PURB: variants seen among roughly 807,000 people sequenced by gnomAD.
The protein encoded by PURB is purine rich element binding protein B.
Under a neutral mutation model 21.1 loss-of-function variants are expected in PURB, and 11 were observed. The observed-to-expected ratio is 0.52, with a 90% CI of 0.33 to 0.86. PURB has a LOEUF of 0.86. PURB is among the 40% of genes least tolerant of loss of function. The pLI, the probability that PURB is intolerant of heterozygous loss-of-function variation, is 0.02. For synonymous variants in PURB, 246 were observed against 210.8 expected, an observed-to-expected ratio of 1.17 and a Z score of -1.45; for missense variants, 357 against 456.5, an observed-to-expected ratio of 0.78 and a Z score of 1.99.
chr7:44,884,134 G>A lies in PURB; in HGVS notation c.*276C>T, dbSNP rs893073674. 1 of 651,918 alleles carries A rather than the reference G, an allele frequency of 1.5e-6. No individual in the cohort carries two copies. Among genetic ancestry groups the A allele is most frequent in the Non-Finnish European group, 2.4e-6 (1 of 408,400 alleles). 40.4% of individuals were successfully genotyped at this position (651,918 alleles called of 1,614,324 possible). The stretch of plus-strand genomic sequence containing the variant: ...TGATGGGTTTACGAACCTCAGTTGA[G>A]AAACAACAGAAGCTGAGACAATTTT... On this transcript the variant is annotated 3_prime_UTR_variant, in exon 1 of 1. Transcript: ENST00000395699.
rs1379640888 is a variant in PURB, at chr7:44,877,059, A to G, written c.*7351T>C. The G allele has an allele frequency of 6.6e-6, 1 of 152,612 alleles. No homozygotes were observed. Among genetic ancestry groups the G allele is most frequent in the Non-Finnish European group, 1.5e-5 (1 of 68,040 alleles). 9.5% of individuals were successfully genotyped at this position (152,612 alleles called of 1,614,324 possible). A position where few individuals can be genotyped will look rare whatever the true frequency, so the allele number is the denominator to read the frequency against. Reference sequence around the variant, plus strand: ...CTCTAATTGTACATCTAGATCAGGAAGCTGTCTCCTGCTATCAAGATTTGG... The same window carrying G: ...CTCTAATTGTACATCTAGATCAGGAGGCTGTCTCCTGCTATCAAGATTTGG... On this transcript the variant is annotated 3_prime_UTR_variant, in exon 1 of 1. Transcript: ENST00000395699.
chr7:44,876,908 A>C lies in PURB; in HGVS notation c.*7502T>G, dbSNP rs114117873. On this transcript the variant is annotated 3_prime_UTR_variant, in exon 1 of 1. Transcript: ENST00000395699. The stretch of plus-strand genomic sequence containing the variant: ...AAAGGTGCAGCTTCTCTTGAAGCAG[A>C]AATCAGTTCTACAAATTCATACACA... 152 of 152,790 alleles carry C rather than the reference A, an allele frequency of 9.9e-4. 1 individual carries two copies. Among genetic ancestry groups the C allele is most frequent in the African/African-American group, 3.5e-3 (144 of 41,594 alleles). 9.5% of individuals were successfully genotyped at this position (152,790 alleles called of 1,614,324 possible).
Position 44,882,965 on chromosome 7 carries a change from A to C in PURB, c.*1445T>G, listed in dbSNP as rs2128691958. The C allele has an allele frequency of 6.6e-6, 1 of 152,426 alleles. No individual in the cohort carries two copies. Among genetic ancestry groups the C allele is most frequent in the African/African-American group, 2.4e-5 (1 of 41,590 alleles). 9.4% of individuals were successfully genotyped at this position (152,426 alleles called of 1,614,324 possible). On this transcript the variant is annotated 3_prime_UTR_variant, in exon 1 of 1. Transcript: ENST00000395699. ...GAAAACCCCAACTTTTATTCTTGAA[A>C]GACAGCTGGATTAACTGGCAAAAGC...
rs1031005008 is a variant in PURB, at chr7:44,885,276, C to T, written c.73G>A (p.Gly25Ser). 2.6e-6 allele frequency: 4 copies of T among 1,538,184 alleles called. No homozygotes were observed. Among genetic ancestry groups the T allele is most frequent in the Non-Finnish European group, 3.5e-6 (4 of 1,152,910 alleles). ...GPCGFQPASR[G>S]GGEQETQELA... Reference sequence around the variant, plus strand: ...TCCTGCGTCTCTTGCTCGCCGCCGCCGCGGGACGCGGGCTGGAACCCGCAC... The same window carrying T: ...TCCTGCGTCTCTTGCTCGCCGCCGCTGCGGGACGCGGGCTGGAACCCGCAC... Residue 25 changes from glycine to serine, a missense_variant, in exon 1 of 1, where the codon GGC (glycine) becomes AGC (serine). Gly to Ser is a moderately conservative substitution (Grantham distance 56). Transcript: ENST00000395699.
In PURB at chr7:44,883,693, TC is replaced by T. The variant is rs1793913046; in HGVS notation, c.*716del. On this transcript the variant is annotated 3_prime_UTR_variant, in exon 1 of 1. Transcript: ENST00000395699. ...GCATTGCTATCTGAATCCACTGGCA[TC>T]CTGGAAAACAATTCTGCGAAGAAAA... The T allele has an allele frequency of 6.6e-6, 1 of 152,564 alleles. No individual in the cohort carries two copies. The highest frequency in any genetic ancestry group is 6.5e-5 in the Admixed American group (1 of 15,276). The allele number at this position is 152,564 out of a possible 1,614,324, so 9.5% of individuals were successfully genotyped here.
rs569613610 is a variant in PURB, at chr7:44,883,109, A to G, written c.*1301T>C. 69 of 152,722 alleles carry G rather than the reference A, an allele frequency of 4.5e-4. No homozygotes were observed. Among genetic ancestry groups the G allele is most frequent in the African/African-American group, 1.5e-3 (62 of 41,570 alleles). 9.5% of individuals were successfully genotyped at this position (152,722 alleles called of 1,614,324 possible). The stretch of plus-strand genomic sequence containing the variant: ...AGCTTCCACCGGGTGCACTGCTTGA[A>G]TCACTCATCCATCATTTGCCAACTC... On this transcript the variant is annotated 3_prime_UTR_variant, in exon 1 of 1. Transcript: ENST00000395699.
rs1262125379 is a variant in PURB, at chr7:44,884,607, T to C, written c.742A>G (p.Ser248Gly). Residue 248 changes from serine to glycine, a missense_variant, in exon 1 of 1, where the codon AGC becomes GGC. Ser to Gly is a moderately conservative substitution (Grantham distance 56). Coordinates refer to ENST00000395699, the MANE Select transcript of PURB (RefSeq NM_033224.5). ...TTGCGGTAGGACGGCTTCACCTCGC[T>C]CACTCGCAGAAACACCCCGTATTTG... ...CNKYGVFLRV[S>G]EVKPSYRNAI... The C allele has an allele frequency of 6.2e-7, 1 of 1,614,204 alleles. No individual in the cohort carries two copies. The highest frequency in any genetic ancestry group is 1.7e-5 in the Admixed American group (1 of 60,020).
rs1448557753 is a variant in PURB at position 44,882,366 on chromosome 7, A to C, written c.*2044T>G. On this transcript the variant is annotated 3_prime_UTR_variant, in exon 1 of 1. Coordinates refer to ENST00000395699, the MANE Select transcript of PURB (RefSeq NM_033224.5). Reference sequence around the variant, plus strand: ...GGAAACATTCTTTGCAACGGAGAAAAATTTAAAAGAAAAGCTTTAAAAAAA... The same window carrying C: ...GGAAACATTCTTTGCAACGGAGAAACATTTAAAAGAAAAGCTTTAAAAAAA... 2 of 152,610 alleles carry C rather than the reference A, an allele frequency of 1.3e-5. No homozygotes were observed. The highest frequency in any genetic ancestry group is 4.8e-5 in the African/African-American group (2 of 41,440). The allele number at this position is 152,610 out of a possible 1,614,324, so 9.5% of individuals were successfully genotyped here. A position where few individuals can be genotyped will look rare whatever the true frequency, so the allele number is the denominator to read the frequency against.
At position 44,879,470 on chromosome 7, in the gene PURB, A is replaced by T. The variant is rs1583743026; in HGVS notation, c.*4940T>A. 1 of 99,666 alleles carries T rather than the reference A, an allele frequency of 1.0e-5. No homozygotes were observed. The highest frequency in any genetic ancestry group is 4.0e-5 in the African/African-American group (1 of 25,244). The allele number at this position is 99,666 out of a possible 1,614,324, so 6.2% of individuals were successfully genotyped here. On this transcript the variant is annotated 3_prime_UTR_variant, in exon 1 of 1. Transcript: ENST00000395699. ...CCTCCCCAGCCCCACCCACACACCC[A>T]TTATCCAGTATACTGAATGGGAGTT...
At position 44,883,018 on chromosome 7, in the gene PURB, A is replaced by G. The variant is rs916901786; in HGVS notation, c.*1392T>C. 1 of 152,486 alleles carries G rather than the reference A, an allele frequency of 6.6e-6. No individual in the cohort carries two copies. The highest frequency in any genetic ancestry group is 1.5e-5 in the Non-Finnish European group (1 of 68,028). 9.4% of individuals were successfully genotyped at this position (152,486 alleles called of 1,614,324 possible). A position where few individuals can be genotyped will look rare whatever the true frequency, so the allele number is the denominator to read the frequency against. On this transcript the variant is annotated 3_prime_UTR_variant, in exon 1 of 1. Transcript: ENST00000395699. ...GTTTGTTGAAATTTCAAGATGGTAT[A>G]AAAATGCTTCCAGGATATAGTCAGC... is the stretch of plus-strand genomic sequence containing the variant.
Position 44,884,386 on chromosome 7 carries a change from G to A in PURB, c.*24C>T, listed in dbSNP as rs568117431. 1.2e-6 allele frequency: 2 copies of A among 1,606,378 alleles called. No homozygotes were observed. The highest frequency in any genetic ancestry group is 1.7e-5 in the Admixed American group (1 of 59,774). ...GCCAAGGGGATGGTGGTTGGGTGGAGGCCTGTAGGGGAAGCTGCCCGTTTC... is the reference window on the plus strand; with the variant it reads ...GCCAAGGGGATGGTGGTTGGGTGGAAGCCTGTAGGGGAAGCTGCCCGTTTC... On this transcript the variant is annotated 3_prime_UTR_variant, in exon 1 of 1. Transcript: ENST00000395699.
chr7:44,876,454 G>C lies in PURB; in HGVS notation c.*7956C>G, dbSNP rs1793804233. ...GTGAGTTTTTCTGTCAGTTTTGCTA[G>C]TTAGTGGTAAATACGGGACCCGCCA... On this transcript the variant is annotated 3_prime_UTR_variant, in exon 1 of 1. Transcript: ENST00000395699. 1 of 152,518 alleles carries C rather than the reference G, an allele frequency of 6.6e-6. No individual in the cohort carries two copies. The highest frequency in any genetic ancestry group is 2.1e-4 in the South Asian group (1 of 4,834). 9.4% of individuals were successfully genotyped at this position (152,518 alleles called of 1,614,324 possible). A position where few individuals can be genotyped will look rare whatever the true frequency, so the allele number is the denominator to read the frequency against.
rs1428201228 is a variant in PURB at position 44,884,748 on chromosome 7, C to A, written c.601G>T (p.Ala201Ser). Residue 201 changes from alanine (A) to serine (S), a missense_variant, in exon 1 of 1, where the codon GCA becomes TCA. Ala to Ser is a moderately conservative substitution (Grantham distance 99). Coordinates refer to ENST00000395699, the MANE Select transcript of PURB (RefSeq NM_033224.5). Reference sequence around the variant, plus strand: ...CCGGCGCCGCCTCCCGGGCCGCCTGCCAGCTCGTCGTCCTCGCCTCCGTAG... The same window carrying A: ...CCGGCGCCGCCTCCCGGGCCGCCTGACAGCTCGTCGTCCTCGCCTCCGTAG... ...DDYGGEDDEL[A>S]GGPGGGAGGP... The A allele has an allele frequency of 6.2e-7, 1 of 1,611,296 alleles. No individual in the cohort carries two copies.
rs868445426 is a variant in PURB, at chr7:44,878,710, T to C, written c.*5700A>G. On this transcript the variant is annotated 3_prime_UTR_variant, in exon 1 of 1. Transcript: ENST00000395699. ...CTTGGATCAGGGGTACAGATATCAA[T>C]TGGGAATCTCTAAGGTAATAAGTTT... 5 of 152,772 alleles carry C rather than the reference T, an allele frequency of 3.3e-5. No homozygotes were observed. The Middle Eastern group carries it at 0.01, about 312-fold the overall frequency. The allele number at this position is 152,772 out of a possible 1,614,324, so 9.5% of individuals were successfully genotyped here.
rs1389088521 is a variant in PURB at position 44,885,298 on chromosome 7, G to A, written c.51C>T (p.Cys17=). 4 of 1,490,790 alleles carry A rather than the reference G, an allele frequency of 2.7e-6. No homozygotes were observed. The highest frequency in any genetic ancestry group is 1.3e-5 in the South Asian group (1 of 78,504). The allele number at this position is 1,490,790 out of a possible 1,614,324, so 92.3% of individuals were successfully genotyped here. ...CGCCGCGGGACGCGGGCTGGAACCC[G>A]CACGGCCCACCGCCGCCGCCGCGCT... ...GSERGGGGGP[C]GFQPASRGGG... is the part of the protein sequence containing the mutation. Residue 17 remains cysteine (C), a synonymous_variant, in exon 1 of 1, where the codon TGC becomes TGT. Transcript: ENST00000395699.
At position 44,883,978 on chromosome 7, in the gene PURB, A is replaced by G. The variant is rs999211078; in HGVS notation, c.*432T>C. ...TGAAGGGATAGACACCGCAACAGTGAGGCCTAGAGAGATCTTTTATGCCAG... is the reference window on the plus strand; with the variant it reads ...TGAAGGGATAGACACCGCAACAGTGGGGCCTAGAGAGATCTTTTATGCCAG... On this transcript the variant is annotated 3_prime_UTR_variant, in exon 1 of 1. Transcript: ENST00000395699. 5.9e-6 allele frequency: 1 copy of G among 170,328 alleles called. No individual in the cohort carries two copies. The highest frequency in any genetic ancestry group is 2.4e-5 in the African/African-American group (1 of 41,876). 10.6% of individuals were successfully genotyped at this position (170,328 alleles called of 1,614,324 possible). A position where few individuals can be genotyped will look rare whatever the true frequency, so the allele number is the denominator to read the frequency against.
Position 44,884,314 on chromosome 7 carries a change from C to G in PURB, c.*96G>C. 1.3e-6 allele frequency: 2 copies of G among 1,527,212 alleles called. No individual in the cohort carries two copies. The highest frequency in any genetic ancestry group is 2.6e-5 in the South Asian group (2 of 78,302). 94.6% of individuals were successfully genotyped at this position (1,527,212 alleles called of 1,614,324 possible). Reference sequence around the variant, plus strand: ...TTTTCCCTCTGCGGCCTCCCTTGCTCCCTCTCCACTAGCTCACTGGGGATG... The same window carrying G: ...TTTTCCCTCTGCGGCCTCCCTTGCTGCCTCTCCACTAGCTCACTGGGGATG... On this transcript the variant is annotated 3_prime_UTR_variant, in exon 1 of 1. Transcript: ENST00000395699.
rs1391319274 is a variant in PURB at position 44,877,260 on chromosome 7, C to G, written c.*7150G>C. 6.6e-6 allele frequency: 1 copy of G among 152,206 alleles called. No individual in the cohort carries two copies. The highest frequency in any genetic ancestry group is 1.5e-5 in the Non-Finnish European group (1 of 68,024). 9.4% of individuals were successfully genotyped at this position (152,206 alleles called of 1,614,324 possible). ...AAGACAAATGAATTTTAAAAATGAT[C>G]TTGGAAAAACATCTGGATGGAGGCC... is the stretch of plus-strand genomic sequence containing the variant. On this transcript the variant is annotated 3_prime_UTR_variant, in exon 1 of 1. Transcript: ENST00000395699.
chr7:44,879,660 A>G lies in PURB; in HGVS notation c.*4750T>C, dbSNP rs1433763466. The G allele has an allele frequency of 6.6e-6, 1 of 152,608 alleles. No homozygotes were observed. The highest frequency in any genetic ancestry group is 6.6e-5 in the Admixed American group (1 of 15,264). The allele number at this position is 152,608 out of a possible 1,614,324, so 9.5% of individuals were successfully genotyped here. ...TAACTTATTAAATTGTGAATGCAGC[A>G]TTATTTACTCTCCCATCCATTGGAA... On this transcript the variant is annotated 3_prime_UTR_variant, in exon 1 of 1. Coordinates refer to ENST00000395699, the MANE Select transcript of PURB (RefSeq NM_033224.5).
Sources: gnomAD v4.1 joint callset for allele counts on GRCh38, gnomAD v4.1.1 for gene constraint, MANE v1.5 for transcripts, NCBI Gene and HGNC (gene_info 2026-07-23, HGNC 2026-07-21) for gene names.